Variants in MAP3K5 observed in about 807,000 individuals in gnomAD.
The protein encoded by MAP3K5 is ASK-1.
MAP3K5 carries 56 observed loss-of-function variants against 158.7 expected under a neutral mutation model. The observed-to-expected ratio is 0.35, with a 90% confidence interval of 0.28 to 0.44. MAP3K5 has a LOEUF of 0.44. Among genes scored for constraint, MAP3K5 ranks in the 20% least tolerant of loss-of-function variants. The probability of loss-of-function intolerance (pLI) is 1.00; values close to 1 mark genes in which losing one functional copy is unlikely to be tolerated. For synonymous variants in MAP3K5, 579 were observed against 601.7 expected (o/e 0.96, Z 0.55); for missense variants, 1,294 against 1,674.8 (o/e 0.77, Z 3.97).
Position 136,705,153 on chromosome 6 carries a change from A to T in MAP3K5, c.589-20T>A, listed in dbSNP as rs1190613760. ...TATTTCCTGAAAAACAAGAAAAAAA[A>T]TATACCACAAGTTAATACAAAACTG... On this transcript the variant is annotated intron_variant, in intron 2 of 29. Transcript: ENST00000359015. 1 of 1,127,432 alleles carries T rather than the reference A, an allele frequency of 8.9e-7. No homozygotes were observed. The highest frequency in any genetic ancestry group is 1.3e-6 in the Non-Finnish European group (1 of 786,352). 69.8% of individuals were successfully genotyped at this position (1,127,432 alleles called of 1,614,324 possible). A position where few individuals can be genotyped will look rare whatever the true frequency, so the allele number is the denominator to read the frequency against.
At chr6:136,604,197 C>T (rs1274334792) in intron 19 of MAP3K5, among the ~76,000 whole-genome samples, 1 of 151,972 alleles carries the variant, frequency 6.6e-6, no homozygotes, top group Non-Finnish European at 1.5e-5. Context: ...TGGTGTGTGC[C>T]TGCAATCCCA....
intron 25 of MAP3K5, among the ~76,000 whole-genome samples, chr6:136,571,638 T>C (rs1271144594): frequency 6.6e-6 from 1 of 152,230 alleles, no homozygotes; most frequent in African/African-American, 2.4e-5. Flanking sequence ...CACATTTTGT[T>C]TATCCATTCA....
At chr6:136,721,316 C>T (rs1018515981) in intron 1 of MAP3K5, among the ~76,000 whole-genome samples, 1 of 149,196 alleles carries the variant, frequency 6.7e-6, no homozygotes, top group South Asian at 2.1e-4. Flanking sequence ...TTAGTTAATC[C>T]AGAACTGGGT....
At chr6:136,697,589 A>C (rs548274665) in intron 4 of MAP3K5, among the ~76,000 whole-genome samples, 1 of 151,734 alleles carries the variant, frequency 6.6e-6, no homozygotes, top group East Asian at 1.9e-4. Context: ...TTCTTTTATT[A>C]CTCTGCCTTC....
At chr6:136,590,355 T>C (rs556588665) in intron 23 of MAP3K5, among the ~76,000 whole-genome samples, 18 of 152,296 alleles carry the variant, frequency 1.2e-4, no homozygotes, top group Middle Eastern at 3.4e-3. Flanking sequence ...CAAGGAATGA[T>C]AGGTTCACTG....
chr6:136,618,639 T>C (rs1333574147), intron 15 of MAP3K5, among the ~76,000 whole-genome samples: 1 of 152,232 alleles, frequency 6.6e-6, no homozygotes, highest in Non-Finnish European at 1.5e-5. Context: ...TTTCATATTG[T>C]TTCAAAGTCT....
intron 29 of MAP3K5, among the ~76,000 whole-genome samples, chr6:136,558,489 A>G (rs140379461): frequency 6.6e-6 from 1 of 152,330 alleles, no homozygotes; most frequent in Non-Finnish European, 1.5e-5. Flanking sequence ...TTTATTGAGT[A>G]TAACACCATC....
At chr6:136,689,671 C>A (rs1276208998) in intron 7 of MAP3K5, among the ~76,000 whole-genome samples, 4 of 152,092 alleles carry the variant, frequency 2.6e-5, no homozygotes, top group African/African-American at 9.7e-5. Context: ...CATGTTCAGC[C>A]CCATTTGCCC....
intron 25 of MAP3K5, among the ~76,000 whole-genome samples, chr6:136,568,873 A>C (rs1774239315): frequency 2.0e-5 from 3 of 151,644 alleles, no homozygotes; most frequent in Non-Finnish European, 4.4e-5. Context: ...AAAAAAAAAA[A>C]AAAAAAAACT....
intron 29 of MAP3K5, 53 bp downstream of exon 29, chr6:136,558,747 T>C (rs1830366357): frequency 1.7e-6 from 2 of 1,176,382 alleles, no homozygotes; most frequent in Non-Finnish European, 2.5e-6. Flanking sequence ...CTCAGACTTT[T>C]TGATATTTGC....
At position 136,791,865 on chromosome 6, in the gene MAP3K5, T is replaced by C. The variant is rs1385457142; in HGVS notation, c.293A>G (p.Asn98Ser). 1.9e-6 allele frequency: 3 copies of C among 1,613,602 alleles called. No homozygotes were observed. The South Asian group carries it at 3.3e-5, about 18-fold the overall frequency. Residue 98 changes from asparagine (N) to serine (S), a missense_variant, in exon 1 of 30, where the codon AAC becomes AGC. This residue lies in a region of MAP3K5 where 690 missense variants were observed against 870.5 expected (regional missense o/e 0.79). Transcript: ENST00000359015. ...CACCAGTTGCCCTTGGCTCGCTTCG[T>C]TGATCACATATGCCACCGTGGTCCG... is the stretch of plus-strand genomic sequence containing the variant. ...SRRTTVAYVINEASQGQLVVA... is the reference protein window; with the variant it reads ...SRRTTVAYVISEASQGQLVVA...
At chr6:136,678,638 T>A (rs1779804038) in intron 7 of MAP3K5, among the ~76,000 whole-genome samples, 2 of 152,212 alleles carry the variant, frequency 1.3e-5, no homozygotes, top group Non-Finnish European at 2.9e-5. Flanking sequence ...ATTTAGTGGC[T>A]ATCTTTGAGT....
chr6:136,722,101 T>C (rs1267899999), intron 1 of MAP3K5, among the ~76,000 whole-genome samples: 1 of 152,134 alleles, frequency 6.6e-6, no homozygotes, highest in Non-Finnish European at 1.5e-5. Flanking sequence ...GAAAATAAAA[T>C]AGATAATTAT....
At chr6:136,783,823 T>C (rs1784723199) in intron 1 of MAP3K5, among the ~76,000 whole-genome samples, 1 of 152,190 alleles carries the variant, frequency 6.6e-6, no homozygotes, top group Non-Finnish European at 1.5e-5. Flanking sequence ...AAGGGACCAC[T>C]TGGAGGAAGT....
chr6:136,708,941 G>A (rs566473025), intron 2 of MAP3K5, among the ~76,000 whole-genome samples: 100 of 152,102 alleles, frequency 6.6e-4, no homozygotes, highest in African/African-American at 2.1e-3. Context: ...TGCCCTCTCC[G>A]TCCTCTCTGT....
Position 136,792,109 on chromosome 6 carries a change from C to G in MAP3K5, c.49G>C (p.Ala17Pro), listed in dbSNP as rs1166899315. ...GGGATGGTGCAGAAGCCCGAGGGGG[C>G]GAAGGGTGGCACAGAGAAAGTGATG... is the stretch of plus-strand genomic sequence containing the variant. ...EGITFSVPPF[A>P]PSGFCTIPEG... Residue 17 changes from alanine to proline, a missense_variant, in exon 1 of 30, where the codon GCC becomes CCC. By Grantham distance (27) the Ala-to-Pro change is conservative. Around this residue, in one of 5 missense-constraint regions of MAP3K5, gnomAD observed 690 missense variants for 870.5 expected, o/e 0.79. Coordinates refer to ENST00000359015, the MANE Select transcript of MAP3K5 (RefSeq NM_005923.4). The surrounding 1 kb of genome is among the most constrained non-coding windows in gnomAD (Gnocchi z 5.7). The G allele has an allele frequency of 6.3e-7, 1 of 1,586,040 alleles. No individual in the cohort carries two copies. Among genetic ancestry groups the G allele is most frequent in the Non-Finnish European group, 8.6e-7 (1 of 1,169,292 alleles).
intron 26 of MAP3K5, among the ~76,000 whole-genome samples, chr6:136,563,507 C>G (rs953235316): frequency 6.6e-5 from 10 of 152,044 alleles, no homozygotes; most frequent in Non-Finnish European, 1.3e-4. Context: ...TACTATTATT[C>G]CTCTTCCTTC....
intron 1 of MAP3K5, among the ~76,000 whole-genome samples, chr6:136,726,377 G>T (rs991820610): frequency 6.6e-6 from 1 of 152,200 alleles, no homozygotes; most frequent in African/African-American, 2.4e-5. Flanking sequence ...TGGCTCACTT[G>T]AGGCCAGGAG....
chr6:136,648,572 A>C (rs1328369722), intron 11 of MAP3K5, among the ~76,000 whole-genome samples: 2 of 152,234 alleles, frequency 1.3e-5, no homozygotes, highest in African/African-American at 2.4e-5. Context: ...GTGCCTGCTA[A>C]AATACTAAGT....
Sources: allele counts gnomAD v4.1 joint callset (sites outside exome capture counted in the v4.1 genomes callset), GRCh38; gene constraint gnomAD v4.1.1; regional missense constraint gnomAD v4.1.1; non-coding constraint Gnocchi (gnomAD v3.1); transcripts MANE v1.5; gene names NCBI Gene and HGNC (gene_info 2026-07-23, HGNC 2026-07-21).